RERE: variants seen among roughly 807,000 people sequenced by gnomAD.
The protein encoded by RERE is arginine-glutamic acid dipeptide repeats, also known as arginine-glutamic acid dipeptide repeats protein.
Under a neutral mutation model 146.1 loss-of-function variants are expected in RERE, and 40 were observed. The ratio of observed to expected loss-of-function variants is 0.27; its 90% CI spans 0.21 to 0.36. The LOEUF is 0.36. RERE is among the 10% of genes least tolerant of loss of function. The pLI is 1.00. For synonymous variants in RERE, 1,003 were observed against 866.0 expected, an observed-to-expected ratio of 1.16 and a Z score of -2.78; for missense variants, 1,933 against 2,138.7, an observed-to-expected ratio of 0.90 and a Z score of 1.90.
intron 8 of RERE, among the ~76,000 whole-genome samples, chr1:8,501,259 G>T (rs1360135790): frequency 7.3e-6 from 1 of 136,308 alleles, no homozygotes; most frequent in African/African-American, 2.8e-5. Flanking sequence ...GGTGAGGGGC[G>T]CCTCTGCCCG....
At chr1:8,607,897 TG>T (rs1347259081) in intron 4 of RERE, among the ~76,000 whole-genome samples, 1 of 152,050 alleles carries the variant, frequency 6.6e-6, no homozygotes, top group Non-Finnish European at 1.5e-5. Context: ...GGCTAATTTT[TG>T]TATTTTTAGT....
Position 8,557,543 on chromosome 1 carries a change from A to G in RERE, c.523-20T>C. On this transcript the variant is annotated intron_variant, in intron 4 of 22. Coordinates refer to ENST00000400908, the MANE Select transcript of RERE (RefSeq NM_001042681.2). Reference sequence around the variant, plus strand: ...CTTACTCTGAAAAGGAAAATCTAACAGCATTAGGAACAGGATTTCAGGTGG... The same window carrying G: ...CTTACTCTGAAAAGGAAAATCTAACGGCATTAGGAACAGGATTTCAGGTGG... 1 of 1,518,600 alleles carries G rather than the reference A, an allele frequency of 6.6e-7. No individual in the cohort carries two copies. The highest frequency in any genetic ancestry group is 9.2e-7 in the Non-Finnish European group (1 of 1,092,856). The allele number at this position is 1,518,600 out of a possible 1,614,324, so 94.1% of individuals were successfully genotyped here. A position where few individuals can be genotyped will look rare whatever the true frequency, so the allele number is the denominator to read the frequency against.
At chr1:8,392,051 T>C (rs529060035) in intron 12 of RERE, among the ~76,000 whole-genome samples, 1 of 152,318 alleles carries the variant, frequency 6.6e-6, no homozygotes, top group East Asian at 1.9e-4. Flanking sequence ...AATAAAATTC[T>C]AGAAACCAGG....
chr1:8,611,679 C>CT (rs1442634378), intron 4 of RERE, among the ~76,000 whole-genome samples: 1 of 152,186 alleles, frequency 6.6e-6, no homozygotes, highest in African/African-American at 2.4e-5. Flanking sequence ...CCTTGATCTT[C>CT]TAGTGAGGAA....
chr1:8,770,112 A>G (rs1362557821), intron 1 of RERE, among the ~76,000 whole-genome samples: 1 of 152,042 alleles, frequency 6.6e-6, no homozygotes, highest in Non-Finnish European at 1.5e-5. Context: ...TTTTAAGTAC[A>G]CTAATATATT....
intron 8 of RERE, among the ~76,000 whole-genome samples, chr1:8,501,224 G>A (rs1281704491): frequency 8.9e-5 from 11 of 124,006 alleles, no homozygotes; most frequent in South Asian, 2.5e-4. Flanking sequence ...TCAGCCCCCC[G>A]CCCGGCCGGC....
intron 4 of RERE, among the ~76,000 whole-genome samples, chr1:8,590,186 A>C (rs943021966): frequency 6.6e-6 from 1 of 152,192 alleles, no homozygotes; most frequent in Non-Finnish European, 1.5e-5. Flanking sequence ...TCAGTGCCAT[A>C]AAAACAATAA....
chr1:8,386,804 A>G (rs1012040548), intron 12 of RERE, among the ~76,000 whole-genome samples: 4 of 152,096 alleles, frequency 2.6e-5, no homozygotes, highest in African/African-American at 9.7e-5. Flanking sequence ...GAAATCTACT[A>G]TATATTCTCT....
chr1:8,368,706 C>A (rs967693790), intron 12 of RERE, among the ~76,000 whole-genome samples: 1 of 152,078 alleles, frequency 6.6e-6, no homozygotes, highest in Admixed American at 6.5e-5. Flanking sequence ...TCAATTATTT[C>A]TATTTATCAA....
intron 1 of RERE, among the ~76,000 whole-genome samples, chr1:8,668,244 G>C (rs1638623472): frequency 6.6e-6 from 1 of 152,178 alleles, no homozygotes; most frequent in African/African-American, 2.4e-5. Flanking sequence ...AGTATTGCTT[G>C]AAACAGTAAT....
intron 11 of RERE, among the ~76,000 whole-genome samples, chr1:8,453,407 G>C (rs1451056205): frequency 2.0e-5 from 3 of 152,170 alleles, no homozygotes; most frequent in Non-Finnish European, 4.4e-5. Context: ...GATCACCACA[G>C]ATCAAAGCTC....
At chr1:8,540,569 A>T (rs1645788054) in intron 7 of RERE, among the ~76,000 whole-genome samples, 1 of 152,192 alleles carries the variant, frequency 6.6e-6, no homozygotes, top group East Asian at 1.9e-4. Flanking sequence ...GAATATATAC[A>T]CTCATAAAAA....
chr1:8,558,493 G>A (rs888217162), intron 4 of RERE, among the ~76,000 whole-genome samples: 12 of 152,130 alleles, frequency 7.9e-5, no homozygotes, highest in Non-Finnish European at 1.8e-4. Flanking sequence ...CAGCCTCTAC[G>A]TTCTCATCAC....
At chr1:8,508,170 G>A (rs1187503959) in intron 8 of RERE, among the ~76,000 whole-genome samples, 2 of 152,248 alleles carry the variant, frequency 1.3e-5, no homozygotes, top group South Asian at 2.1e-4. Context: ...CTATTAACAC[G>A]GATGAACCAT....
At chr1:8,401,142 A>G (rs1371786016) in intron 12 of RERE, among the ~76,000 whole-genome samples, 1 of 147,262 alleles carries the variant, frequency 6.8e-6, no homozygotes, top group Non-Finnish European at 1.5e-5. Flanking sequence ...CTAGTCTTCT[A>G]TAAGTCATCG....
chr1:8,807,778 G>A (rs1641718422), intron 1 of RERE, among the ~76,000 whole-genome samples: 1 of 151,964 alleles, frequency 6.6e-6, no homozygotes, highest in African/African-American at 2.4e-5. Context: ...ACTAATTGTT[G>A]GGGTCTTCTG....
rs1220737626 is a variant in RERE at position 8,361,424 on chromosome 1, C to T, written c.2083G>A (p.Asp695Asn). ...GESSDSRSVN[D>N]EGSSDPKDID... The stretch of plus-strand genomic sequence containing the variant: ...TCTTTGGGGTCACTGCTACCCTCAT[C>T]GTTGACGCTGCGACTGTCTGAACTC... The change falls in exon 18 of 23, where the codon GAT becomes AAT. Residue 695 changes from aspartate to asparagine, a missense_variant. By Grantham distance (23) the Asp-to-Asn change is conservative (BLOSUM62 1). This residue lies in a region of RERE where 1,255 missense variants were observed against 1,153.8 expected (regional missense o/e 1.09). Transcript: ENST00000400908. The T allele has an allele frequency of 3.1e-6, 5 of 1,613,738 alleles. No homozygotes were observed. The highest frequency in any genetic ancestry group is 1.3e-5 in the African/African-American group (1 of 74,890).
At position 8,455,009 on chromosome 1, in the gene RERE, A is replaced by C. The variant is rs187675335; in HGVS notation, c.1203+10916T>G. 4.4e-3 allele frequency among the ~76,000 whole-genome samples: 671 copies of C among 152,068 alleles called. 5 individuals are homozygous for C. The highest frequency in any genetic ancestry group is 7.1e-3 in the Admixed American group (109 of 15,278). On this transcript the variant is annotated intron_variant, in intron 11 of 22. Coordinates refer to ENST00000400908, the MANE Select transcript of RERE (RefSeq NM_001042681.2). Reference sequence around the variant, plus strand: ...CTGCTTCTGCCCACCAACCCACCCCAAAAATGAGTTTTCCATATAGGAAAG... The same window carrying C: ...CTGCTTCTGCCCACCAACCCACCCCCAAAATGAGTTTTCCATATAGGAAAG...
intron 2 of RERE, among the ~76,000 whole-genome samples, chr1:8,641,539 C>A (rs1278469491): frequency 2.6e-5 from 4 of 152,142 alleles, no homozygotes; most frequent in Non-Finnish European, 5.9e-5. Flanking sequence ...GATTGGAACT[C>A]TGTCACAGTC....
Sources: allele counts gnomAD v4.1 joint callset (sites outside exome capture counted in the v4.1 genomes callset), GRCh38; gene constraint gnomAD v4.1.1; regional missense constraint gnomAD v4.1.1; transcripts MANE v1.5; gene names NCBI Gene and HGNC (gene_info 2026-07-23, HGNC 2026-07-21).